Variants in RASAL2 observed in about 807,000 individuals in gnomAD.
RASAL2 encodes RAS protein activator like 2.
Under a neutral mutation model 128.9 loss-of-function variants are expected in RASAL2, and 58 were observed. The ratio of observed to expected loss-of-function variants is 0.45; its 90% confidence interval spans 0.36 to 0.56. The LOEUF is 0.56. Ranked by LOEUF, RASAL2 falls within the 20% of genes least tolerant of loss-of-function variation. The probability of loss-of-function intolerance (pLI) is 0.00; values close to 1 mark genes in which losing one functional copy is unlikely to be tolerated. For missense variants in RASAL2, 1,360 were observed against 1,601.6 expected (o/e 0.85, Z 2.57); for synonymous variants, 561 against 580.8 (o/e 0.97, Z 0.49).
intron 1 of RASAL2, among the ~76,000 whole-genome samples, chr1:178,141,295 C>A (rs921489731): frequency 6.6e-6 from 1 of 151,166 alleles, no homozygotes; most frequent in Admixed American, 6.6e-5. Flanking sequence ...TGCCCACTCC[C>A]AGCTCGAATG....
chr1:178,211,120 T>C (rs969729334), intron 1 of RASAL2, among the ~76,000 whole-genome samples: 3 of 152,184 alleles, frequency 2.0e-5, no homozygotes, highest in Non-Finnish European at 4.4e-5. Context: ...TCTGAGGACC[T>C]CTTCTAGGTA....
intron 3 of RASAL2, among the ~76,000 whole-genome samples, chr1:178,302,597 A>C (rs969683654): frequency 6.6e-6 from 1 of 152,214 alleles, no homozygotes; most frequent in Non-Finnish European, 1.5e-5. Flanking sequence ...ATGAATTTCA[A>C]AATTTCTGTC....
At chr1:178,212,258 A>G (rs1357313006) in intron 1 of RASAL2, among the ~76,000 whole-genome samples, 1 of 152,242 alleles carries the variant, frequency 6.6e-6, no homozygotes, top group Non-Finnish European at 1.5e-5. Context: ...TTCAACATAT[A>G]TATTTAAGGA....
chr1:178,389,180 C>A, intron 3 of RASAL2: 1 of 648,126 alleles, frequency 1.5e-6, no homozygotes, highest in Non-Finnish European at 1.9e-6. Flanking sequence ...GAAGATAACA[C>A]AGAATACTTT....
At chr1:178,293,430 G>A (rs1667367334) in intron 2 of RASAL2, among the ~76,000 whole-genome samples, 1 of 152,168 alleles carries the variant, frequency 6.6e-6, no homozygotes, top group Admixed American at 6.5e-5. Flanking sequence ...CAAGACACAG[G>A]AAACAGAACA....
At chr1:178,140,516 A>T (rs533177214) in intron 1 of RASAL2, among the ~76,000 whole-genome samples, 1 of 152,240 alleles carries the variant, frequency 6.6e-6, no homozygotes, top group South Asian at 2.1e-4. Context: ...TCAATCACAG[A>T]TATGTTTACT....
intron 1 of RASAL2, among the ~76,000 whole-genome samples, chr1:178,173,030 TTCACC>T (rs1571582400): frequency 6.6e-6 from 1 of 152,120 alleles, no homozygotes; most frequent in East Asian, 1.9e-4. Flanking sequence ...TAAATGGATT[TTCACC>T]TATGTGCATG....
intron 1 of RASAL2, among the ~76,000 whole-genome samples, chr1:178,273,964 T>C (rs1304846817): frequency 1.3e-5 from 2 of 152,202 alleles, no homozygotes; most frequent in Non-Finnish European, 1.5e-5. Context: ...TAACATTCTT[T>C]AGAGATGCTT....
At chr1:178,165,557 T>C (rs1251946630) in intron 1 of RASAL2, among the ~76,000 whole-genome samples, 2 of 152,148 alleles carry the variant, frequency 1.3e-5, no homozygotes, top group African/African-American at 4.8e-5. Context: ...ACTAATCCCC[T>C]AAGGATGCTA....
chr1:178,206,331 T>C (rs1158485500), intron 1 of RASAL2, among the ~76,000 whole-genome samples: 1 of 152,228 alleles, frequency 6.6e-6, no homozygotes, highest in Non-Finnish European at 1.5e-5. Flanking sequence ...CTTGCTACAC[T>C]GATCCTGTCT....
chr1:178,118,382 A>G (rs1254419714), intron 1 of RASAL2, among the ~76,000 whole-genome samples: 4 of 152,034 alleles, frequency 2.6e-5, no homozygotes, highest in Non-Finnish European at 5.9e-5. Flanking sequence ...ACAACTCACC[A>G]TAATGTAGAA....
At chr1:178,173,638 C>T (rs528908730) in intron 1 of RASAL2, among the ~76,000 whole-genome samples, 1 of 152,182 alleles carries the variant, frequency 6.6e-6, no homozygotes, top group African/African-American at 2.4e-5. Flanking sequence ...TGTTCTGTTT[C>T]TGTGAACCTT....
chr1:178,288,886 G>A (rs1667154676), intron 2 of RASAL2, among the ~76,000 whole-genome samples: 1 of 151,680 alleles, frequency 6.6e-6, no homozygotes, highest in Non-Finnish European at 1.5e-5. Context: ...CCTCACCTCA[G>A]GTGATCCACC....
At chr1:178,154,953 A>G (rs1661035206) in intron 1 of RASAL2, among the ~76,000 whole-genome samples, 1 of 152,126 alleles carries the variant, frequency 6.6e-6, no homozygotes. Context: ...CCTCCTGAGT[A>G]CCTGAGATTA....
At chr1:178,295,223 C>T (rs540302754) in intron 2 of RASAL2, among the ~76,000 whole-genome samples, 2 of 148,932 alleles carry the variant, frequency 1.3e-5, no homozygotes, top group Non-Finnish European at 3.0e-5. Context: ...GTGGTCTAAG[C>T]GTTGGCATTT....
chr1:178,301,435 CTCTT>C (rs1667755807), intron 3 of RASAL2, among the ~76,000 whole-genome samples: 1 of 151,784 alleles, frequency 6.6e-6, no homozygotes, highest in Non-Finnish European at 1.5e-5. Flanking sequence ...ACTGTTGTCT[CTCTT>C]TTTTTTTTTC....
intron 1 of RASAL2, among the ~76,000 whole-genome samples, chr1:178,220,006 A>G (rs1663562410): frequency 6.6e-6 from 1 of 151,950 alleles, no homozygotes; most frequent in Non-Finnish European, 1.5e-5. Context: ...CACACGAGAT[A>G]TTGTTGTTTA....
intron 1 of RASAL2, among the ~76,000 whole-genome samples, chr1:178,204,858 G>A (rs890717877): frequency 1.3e-5 from 2 of 152,056 alleles, no homozygotes; most frequent in African/African-American, 4.8e-5. Flanking sequence ...GAAATACAAT[G>A]GTATTTCATA....
chr1:178,418,148 A>C (rs11584977), intron 4 of RASAL2, among the ~76,000 whole-genome samples: 1 of 151,934 alleles, frequency 6.6e-6, no homozygotes, highest in African/African-American at 2.4e-5. Context: ...CCACCCTGCT[A>C]TGCAGTTGAA....
Sources: allele counts gnomAD v4.1 joint callset (sites outside exome capture counted in the v4.1 genomes callset), GRCh38; gene constraint gnomAD v4.1.1; transcripts MANE v1.5; gene names NCBI Gene and HGNC (gene_info 2026-07-23, HGNC 2026-07-21).